PRKDC: variants seen among roughly 807,000 people sequenced by gnomAD.
PRKDC encodes DNA-dependent protein kinase catalytic subunit.
PRKDC carries 82 observed loss-of-function variants against 486.9 expected under a neutral mutation model. The ratio of observed to expected loss-of-function variants is 0.17; its 90% CI spans 0.14 to 0.20. PRKDC has a LOEUF of 0.20. Among genes scored for constraint, PRKDC ranks in the 10% least tolerant of loss-of-function variants. The pLI is 1.00. For synonymous variants in PRKDC, 1,895 were observed against 1,837.0 expected (o/e 1.03, Z -0.81); for missense variants, 4,504 against 5,038.2 (o/e 0.89, Z 3.21).
At chr8:47,775,856 T>G (rs1356859179) in intron 85 of PRKDC, among the ~76,000 whole-genome samples, 2 of 151,020 alleles carry the variant, frequency 1.3e-5, no homozygotes, top group Non-Finnish European at 2.9e-5. Flanking sequence ...AGAGTCTCAC[T>G]TTGTCGCCTA....
chr8:47,790,421 T>A (rs991819974), intron 74 of PRKDC, among the ~76,000 whole-genome samples: 5 of 152,094 alleles, frequency 3.3e-5, no homozygotes, highest in Admixed American at 3.3e-4. Context: ...CTCAAAGAAA[T>A]GCAAAGTTAC....
intron 29 of PRKDC, 65 bp downstream of exon 29, chr8:47,898,405 C>T: frequency 7.7e-7 from 1 of 1,296,042 alleles, no homozygotes; most frequent in East Asian, 2.6e-5. Flanking sequence ...CCAGGTTGTC[C>T]TTCATTAGCT....
chr8:47,935,158 T>G, intron 13 of PRKDC, 100 bp from the exon 14 acceptor site: 1 of 801,818 alleles, frequency 1.2e-6, no homozygotes, highest in South Asian at 1.9e-5. Context: ...GGAACCCAAC[T>G]TTACCTCTCA....
At chr8:47,902,064 C>G (rs2089694597) in intron 27 of PRKDC, among the ~76,000 whole-genome samples, 1 of 152,196 alleles carries the variant, frequency 6.6e-6, no homozygotes, top group Admixed American at 6.5e-5. Flanking sequence ...GACCTACGCT[C>G]CTTACTACAG....
chr8:47,933,262 G>A (rs1017883977), intron 15 of PRKDC, 90 bp from the exon 16 acceptor site: 1 of 1,072,378 alleles, frequency 9.3e-7, no homozygotes, highest in Non-Finnish European at 1.3e-6. Flanking sequence ...ACAGATGTAT[G>A]TGCCGGTTTG....
At chr8:47,938,748 G>C (rs1320980079) in intron 11 of PRKDC, among the ~76,000 whole-genome samples, 1 of 152,110 alleles carries the variant, frequency 6.6e-6, no homozygotes. Flanking sequence ...TTTTAGTACA[G>C]ACAGGGTTTT....
chr8:47,855,488 T>C (rs1025278710), intron 49 of PRKDC, 115 bp from the exon 50 acceptor site: 2 of 1,097,040 alleles, frequency 1.8e-6, no homozygotes, highest in East Asian at 2.7e-5. Flanking sequence ...CCGGCTCCTG[T>C]TGAAAGCCCT....
At chr8:47,776,175 C>A (rs2086606203) in intron 85 of PRKDC, among the ~76,000 whole-genome samples, 1 of 152,150 alleles carries the variant, frequency 6.6e-6, no homozygotes, top group South Asian at 2.1e-4. Context: ...GCTCTCTGAT[C>A]CATTCTGAAT....
intron 30 of PRKDC, among the ~76,000 whole-genome samples, chr8:47,894,494 A>T (rs1589772576): frequency 6.6e-6 from 1 of 152,228 alleles, no homozygotes; most frequent in African/African-American, 2.4e-5. Context: ...GTACATCACA[A>T]GAAGACAGAG....
chr8:47,858,340 A>C (rs1352150722), intron 48 of PRKDC, among the ~76,000 whole-genome samples, 176 bp downstream of exon 48: 1 of 152,224 alleles, frequency 6.6e-6, no homozygotes, highest in Non-Finnish European at 1.5e-5. Context: ...GAACAAGTAG[A>C]TAAATATTGG....
At chr8:47,855,026 G>A (rs868586633) in intron 50 of PRKDC, among the ~76,000 whole-genome samples, 196 bp downstream of exon 50, 1 of 152,208 alleles carries the variant, frequency 6.6e-6, no homozygotes, top group African/African-American at 2.4e-5. Context: ...AAGCTGAGGC[G>A]GAGGGCAGGG....
chr8:47,810,688 T>C (rs2087307327), intron 68 of PRKDC, among the ~76,000 whole-genome samples: 1 of 152,032 alleles, frequency 6.6e-6, no homozygotes, highest in Non-Finnish European at 1.5e-5. Flanking sequence ...AAAACACACA[T>C]GCAATAAATG....
chr8:47,882,203 T>C, intron 36 of PRKDC, 106 bp from the exon 37 acceptor site: 1 of 1,052,290 alleles, frequency 9.5e-7, no homozygotes, highest in Non-Finnish European at 1.4e-6. Context: ...AAATAAGCTA[T>C]TTCTATAATA....
Position 47,857,285 on chromosome 8 carries a change from G to A in PRKDC, c.6480C>T (p.Tyr2160=), listed in dbSNP as rs55991828. Residue 2160 remains tyrosine (Y), a synonymous_variant, in exon 49 of 86, where the codon TAC becomes TAT. Coordinates refer to ENST00000314191, the MANE Select transcript of PRKDC (RefSeq NM_006904.7). ...GCAAGGGGCTAAGCCAGTGCTTCGC[G>A]TAAGGGCGAAAGACCTACAAGAGGA... is the stretch of plus-strand genomic sequence containing the variant. ...VINTEEVFRP[Y]AKHWLSPLLQ... is the part of the protein sequence containing the mutation. The A allele has an allele frequency of 6.0e-3, 9,732 of 1,611,100 alleles. 39 individuals are homozygous for A. Among genetic ancestry groups the A allele is most frequent in the Non-Finnish European group, 7.3e-3 (8,578 of 1,178,952 alleles).
At chr8:47,909,537 C>T (rs1273727932) in intron 25 of PRKDC, among the ~76,000 whole-genome samples, 1 of 152,180 alleles carries the variant, frequency 6.6e-6, no homozygotes. Context: ...AGAATAACAG[C>T]GATTTTCAGG....
At chr8:47,826,521 ACTTTT>A (rs2087740984) in intron 63 of PRKDC, 130 bp downstream of exon 63, 3 of 894,136 alleles carry the variant, frequency 3.4e-6, no homozygotes, top group Admixed American at 2.9e-5. Flanking sequence ...AGCCTGAAAG[ACTTTT>A]CTTTTAAATT....
At chr8:47,798,845 T>C (rs1267024579) in intron 72 of PRKDC, among the ~76,000 whole-genome samples, 4 of 152,064 alleles carry the variant, frequency 2.6e-5, no homozygotes, top group Admixed American at 2.6e-4. Context: ...AGTCTCGCTC[T>C]GTCACCCAGG....
intron 7 of PRKDC, among the ~76,000 whole-genome samples, chr8:47,952,832 C>T (rs373949974): frequency 3.3e-5 from 5 of 151,522 alleles, no homozygotes; most frequent in African/African-American, 1.2e-4. Context: ...GGTGAAACCC[C>T]ATCTCTACTA....
intron 34 of PRKDC, among the ~76,000 whole-genome samples, chr8:47,887,970 C>A (rs2089372877): frequency 6.6e-6 from 1 of 152,212 alleles, no homozygotes; most frequent in Non-Finnish European, 1.5e-5. Context: ...ATCCTCCCAC[C>A]TCAGCCTCCT....
Sources: gnomAD v4.1 joint callset for allele counts (sites outside exome capture counted in the v4.1 genomes callset) on GRCh38, gnomAD v4.1.1 for gene constraint, MANE v1.5 for transcripts, NCBI Gene and HGNC (gene_info 2026-07-23, HGNC 2026-07-21) for gene names.